CDYL: variants seen among roughly 807,000 people sequenced by gnomAD.
CDYL encodes the protein chromodomain Y-like protein.
In CDYL, 8 loss-of-function variants were observed where a neutral mutation model predicts 47.3. The observed-to-expected ratio is 0.17, with a 90% CI of 0.10 to 0.31. The LOEUF (loss-of-function observed/expected upper bound fraction) is 0.31, where lower values mean the gene tolerates loss of function less well. Ranked by LOEUF, CDYL falls within the 10% of genes least tolerant of loss-of-function variation. The pLI, the probability that CDYL is intolerant of heterozygous loss-of-function variation, is 1.00. For missense variants in CDYL, 471 were observed against 701.4 expected (o/e 0.67, Z 3.71); for synonymous variants, 266 against 265.0 (o/e 1.00, Z -0.04).
intron 2 of CDYL, among the ~76,000 whole-genome samples, chr6:4,895,123 A>G (rs1274689130): frequency 1.4e-5 from 2 of 139,470 alleles, no homozygotes; most frequent in Non-Finnish European, 3.2e-5. Context: ...ATATGCATAT[A>G]TATGTGCATG....
intron 2 of CDYL, among the ~76,000 whole-genome samples, chr6:4,926,383 A>G (rs1757874832): frequency 6.6e-6 from 1 of 152,238 alleles, no homozygotes; most frequent in Non-Finnish European, 1.5e-5. Flanking sequence ...TAGATGCTAT[A>G]GTCCTTGCTT....
At chr6:4,847,630 T>C (rs1000057246) in intron 1 of CDYL, among the ~76,000 whole-genome samples, 5 of 152,238 alleles carry the variant, frequency 3.3e-5, no homozygotes, top group African/African-American at 1.2e-4. Context: ...GTGTAGTCAC[T>C]TCATTGTATG....
intron 1 of CDYL, among the ~76,000 whole-genome samples, chr6:4,884,876 G>C (rs1311085803): frequency 6.6e-6 from 1 of 152,204 alleles, no homozygotes; most frequent in African/African-American, 2.4e-5. Context: ...TGCTCCTGCT[G>C]TGGGTAGGAA....
At chr6:4,836,176 A>C (rs1760300172) in intron 1 of CDYL, 3 of 411,050 alleles carry the variant, frequency 7.3e-6, no homozygotes, top group Non-Finnish European at 9.8e-6. Context: ...TGCGTCGCTC[A>C]CGCTGGGAGC....
At chr6:4,844,477 G>A (rs953511260) in intron 1 of CDYL, among the ~76,000 whole-genome samples, 4 of 152,130 alleles carry the variant, frequency 2.6e-5, no homozygotes, top group Admixed American at 6.5e-5. Flanking sequence ...CGTTCCTGCC[G>A]TAGTTCTTGG....
chr6:4,837,261 C>T (rs1213810892), intron 1 of CDYL, among the ~76,000 whole-genome samples: 2 of 152,038 alleles, frequency 1.3e-5, no homozygotes, highest in East Asian at 1.9e-4. Flanking sequence ...CAAATGGAGG[C>T]ACATGAAAGC....
At chr6:4,719,815 T>C (rs1729920925) in intron 2 of CDYL, among the ~76,000 whole-genome samples, 1 of 152,190 alleles carries the variant, frequency 6.6e-6, no homozygotes, top group African/African-American at 2.4e-5. Context: ...AGAATTTGCA[T>C]TTCCAAGATC....
At chr6:4,711,475 GTCTT>G (rs1757151838) in intron 1 of CDYL, among the ~76,000 whole-genome samples, 1 of 152,150 alleles carries the variant, frequency 6.6e-6, no homozygotes, top group Non-Finnish European at 1.5e-5. Context: ...TATGAACTGT[GTCTT>G]TCTCAGTGAT....
intron 1 of CDYL, among the ~76,000 whole-genome samples, chr6:4,828,683 A>G (rs1167241903): frequency 6.6e-6 from 1 of 152,112 alleles, no homozygotes; most frequent in African/African-American, 2.4e-5. Flanking sequence ...AGCTTTGTCC[A>G]TTATTTATTT....
At position 4,824,810 on chromosome 6, in the gene CDYL, A is replaced by G. The variant is rs563009492; in HGVS notation, c.24+48003A>G. On this transcript the variant is annotated intron_variant, in intron 1 of 6. Transcript: ENST00000397588. ...TTCAAGATTGTTTTGACTTTCTGGG[A>G]CCTTTTGCAAGTCCATATGAATTTG... 4.0e-5 allele frequency among the ~76,000 whole-genome samples: 6 copies of G among 151,818 alleles called. No homozygotes were observed. The East Asian group carries it at 1.2e-3, about 29-fold the overall frequency.
chr6:4,856,953 G>A (rs1228066056), intron 1 of CDYL, among the ~76,000 whole-genome samples: 11 of 152,134 alleles, frequency 7.2e-5, no homozygotes, highest in African/African-American at 2.7e-4. Context: ...TTTTTAATGT[G>A]GGGCTGAATT....
At chr6:4,719,078 C>T (rs1561821504) in intron 2 of CDYL, among the ~76,000 whole-genome samples, 1 of 152,132 alleles carries the variant, frequency 6.6e-6, no homozygotes, top group African/African-American at 2.4e-5. Flanking sequence ...CATGCACCAC[C>T]ACACCTGGCT....
At chr6:4,926,358 G>A (rs1243306991) in intron 2 of CDYL, among the ~76,000 whole-genome samples, 2 of 152,152 alleles carry the variant, frequency 1.3e-5, no homozygotes, top group Non-Finnish European at 2.9e-5. Context: ...CATAAACGGA[G>A]AGCTATTAAT....
chr6:4,832,747 T>A (rs1760183836), intron 1 of CDYL, among the ~76,000 whole-genome samples: 1 of 147,732 alleles, frequency 6.8e-6, no homozygotes, highest in Non-Finnish European at 1.5e-5. Flanking sequence ...ATTGCCACAA[T>A]TTCAGATCCT....
chr6:4,771,843 A>G (rs1758342616), upstream of CDYL, among the ~76,000 whole-genome samples: 1 of 152,258 alleles, frequency 6.6e-6, no homozygotes, highest in South Asian at 2.1e-4. Context: ...GTTTTTTTCC[A>G]GGGATCCAAA....
intron 1 of CDYL, among the ~76,000 whole-genome samples, chr6:4,854,791 G>A (rs1199113217): frequency 6.6e-6 from 1 of 152,076 alleles, no homozygotes; most frequent in East Asian, 1.9e-4. Flanking sequence ...CCACCCCAGG[G>A]GTGTACATGA....
chr6:4,706,139 G>C (rs1757041678), upstream of CDYL: 1 of 152,228 alleles, frequency 6.6e-6, no homozygotes, highest in Non-Finnish European at 1.5e-5. Flanking sequence ...ATGGAGTTCA[G>C]TGACCCCTTT....
intron 1 of CDYL, among the ~76,000 whole-genome samples, chr6:4,792,938 C>G (rs938168713): frequency 6.6e-6 from 1 of 152,164 alleles, no homozygotes; most frequent in South Asian, 2.1e-4. Flanking sequence ...TAGACCATCT[C>G]TCCCCATTAT....
intron 2 of CDYL, among the ~76,000 whole-genome samples, chr6:4,912,945 G>T (rs1419658957): frequency 6.6e-6 from 1 of 152,200 alleles, no homozygotes; most frequent in Non-Finnish European, 1.5e-5. Flanking sequence ...TACATTTCAG[G>T]ATGTGTCTTG....
Sources: gnomAD v4.1 joint callset for allele counts (sites outside exome capture counted in the v4.1 genomes callset) on GRCh38, gnomAD v4.1.1 for gene constraint, MANE v1.5 for transcripts, NCBI Gene and HGNC (gene_info 2026-07-23, HGNC 2026-07-21) for gene names.